RANBP2: variants seen among roughly 807,000 people sequenced by gnomAD.
The protein encoded by RANBP2 is RAN binding protein 2, also known as E3 SUMO-protein ligase RanBP2.
RANBP2 carries 57 observed loss-of-function variants against 303.6 expected under a neutral mutation model. The ratio of observed to expected loss-of-function variants is 0.19; its 90% CI spans 0.15 to 0.23. The LOEUF (loss-of-function observed/expected upper bound fraction) is 0.23. RANBP2 is among the 10% of genes least tolerant of loss of function. The pLI is 1.00. For missense variants in RANBP2, 3,138 were observed against 3,780.8 expected, an observed-to-expected ratio of 0.83 and a Z score of 4.46; for synonymous variants, 1,167 against 1,301.5, an observed-to-expected ratio of 0.90 and a Z score of 2.23.
At chr2:109,344,067 C>T in the RANBP2 span, among the ~76,000 whole-genome samples, 1 of 152,220 alleles carries the variant, frequency 6.6e-6, no homozygotes, top group Non-Finnish European at 1.5e-5. Flanking sequence ...TTGTAACTTT[C>T]CCCCCTGTAT....
chr2:109,354,626 C>T, the RANBP2 span, among the ~76,000 whole-genome samples: 3 of 152,184 alleles, frequency 2.0e-5, no homozygotes, highest in South Asian at 2.1e-4. Context: ...ATGTGAGCTG[C>T]GATATTTGCC....
At chr2:109,475,529 C>T in the RANBP2 span, among the ~76,000 whole-genome samples, 1 of 152,200 alleles carries the variant, frequency 6.6e-6, no homozygotes, top group Admixed American at 6.5e-5. Context: ...ATACAGTTGG[C>T]TGTGGGTGGG....
the RANBP2 span, among the ~76,000 whole-genome samples, chr2:108,926,422 C>G: frequency 8.3e-3 from 1,270 of 152,302 alleles, 21 homozygotes; most frequent in African/African-American, 0.029. Flanking sequence ...AATAGGTGTA[C>G]ATTTTCCCAG....
At chr2:109,601,198 C>T in the RANBP2 span, among the ~76,000 whole-genome samples, 48 of 152,300 alleles carry the variant, frequency 3.2e-4, no homozygotes, top group African/African-American at 1.2e-3. Context: ...CTGAAAGTCC[C>T]AACCCTCTAA....
chr2:109,222,458 G>A, the RANBP2 span, among the ~76,000 whole-genome samples: 1 of 151,958 alleles, frequency 6.6e-6, no homozygotes, highest in South Asian at 2.1e-4. Context: ...CCATAAATAT[G>A]TACAATTATT....
chr2:109,623,979 T>G, the RANBP2 span, among the ~76,000 whole-genome samples: 150 of 152,210 alleles, frequency 9.9e-4, no homozygotes, highest in Non-Finnish European at 1.9e-3. Flanking sequence ...TGTGCCCATT[T>G]AATTTTACAA....
chr2:109,723,127 G>C, the RANBP2 span, among the ~76,000 whole-genome samples: 1 of 152,108 alleles, frequency 6.6e-6, no homozygotes, highest in Non-Finnish European at 1.5e-5. Flanking sequence ...ACCAGCATCT[G>C]TTGTTATTAT....
At chr2:109,002,828 T>C in the RANBP2 span, among the ~76,000 whole-genome samples, 1 of 152,208 alleles carries the variant, frequency 6.6e-6, no homozygotes, top group Non-Finnish European at 1.5e-5. Context: ...TCTCCACTTC[T>C]AGGCTCCTCT....
At chr2:109,174,730 G>A in the RANBP2 span, among the ~76,000 whole-genome samples, 6 of 152,234 alleles carry the variant, frequency 3.9e-5, no homozygotes, top group Admixed American at 6.5e-5. Context: ...TTAACCCAGC[G>A]TCTTTGGAGG....
chr2:109,604,698 G>A, the RANBP2 span: 1 of 149,576 alleles, frequency 6.7e-6, no homozygotes, highest in Non-Finnish European at 1.5e-5. Context: ...CTCCAGCCTG[G>A]GTGACAGAAC....
At chr2:109,079,621 G>A in the RANBP2 span, among the ~76,000 whole-genome samples, 29 of 152,220 alleles carry the variant, frequency 1.9e-4, no homozygotes, top group Non-Finnish European at 2.9e-4. Context: ...GCCCTGTCCG[G>A]TCCCAACCAG....
chr2:108,910,904 G>A, the RANBP2 span: 32 of 1,613,982 alleles, frequency 2.0e-5, no homozygotes, highest in Middle Eastern at 1.7e-4. Flanking sequence ...GGGAGTTGAC[G>A]GAGAGTCCAG....
chr2:109,667,233 G>A, the RANBP2 span: 14 of 980,770 alleles, frequency 1.4e-5, no homozygotes, highest in Admixed American at 1.8e-5. Flanking sequence ...CCAAGCAAAC[G>A]CAGGCAAGGT....
At chr2:108,870,760 G>A in the RANBP2 span, among the ~76,000 whole-genome samples, 1 of 152,326 alleles carries the variant, frequency 6.6e-6, no homozygotes, top group East Asian at 1.9e-4. Context: ...CCTCTTATAT[G>A]AGGTGCCTGG....
chr2:109,409,559 T>C, the RANBP2 span, among the ~76,000 whole-genome samples: 1 of 151,858 alleles, frequency 6.6e-6, no homozygotes, highest in African/African-American at 2.4e-5. Context: ...GGAGGGGAGT[T>C]TTGGCCTCCA....
chr2:109,312,311 G>A, the RANBP2 span, among the ~76,000 whole-genome samples: 4 of 152,136 alleles, frequency 2.6e-5, no homozygotes, highest in South Asian at 6.2e-4. Context: ...CTCGAGGTTG[G>A]CTTGCTCCTC....
chr2:108,765,828 C>T lies in RANBP2; in HGVS notation c.5289C>T (p.Ala1763=), dbSNP rs1677076549. The T allele has an allele frequency of 6.2e-7, 1 of 1,613,974 alleles. No homozygotes were observed. Among genetic ancestry groups the T allele is most frequent in the African/African-American group, 1.3e-5 (1 of 74,892 alleles). ...QNQTTAISTP[A]SSEISKAPKS... ...AAACAACTGCAATTTCAACACCTGC[C>T]TCTTCGGAGATAAGCAAGGCTCCAA... The change falls in exon 20 of 29, where the codon GCC becomes GCT. Residue 1763 remains alanine (A), a synonymous_variant. Transcript: ENST00000283195.
chr2:108,840,013 C>A, the RANBP2 span, among the ~76,000 whole-genome samples: 1 of 151,974 alleles, frequency 6.6e-6, no homozygotes, highest in Admixed American at 6.6e-5. Flanking sequence ...TTCATAGATA[C>A]TTTCAATCAA....
At chr2:109,623,499 T>C in the RANBP2 span, among the ~76,000 whole-genome samples, 1 of 152,212 alleles carries the variant, frequency 6.6e-6, no homozygotes, top group African/African-American at 2.4e-5. Flanking sequence ...CCACAATTCT[T>C]GGATCTCTAA....
Sources: allele counts gnomAD v4.1 joint callset (sites outside exome capture counted in the v4.1 genomes callset), GRCh38; gene constraint gnomAD v4.1.1; transcripts MANE v1.5; gene names NCBI Gene and HGNC (gene_info 2026-07-23, HGNC 2026-07-21).